SLC35F1: variants seen among roughly 807,000 people sequenced by gnomAD.
The protein encoded by SLC35F1 is solute carrier family 35 member F1.
Under a neutral mutation model 48.7 loss-of-function variants are expected in SLC35F1, and 14 were observed. The observed-to-expected ratio is 0.29, with a 90% confidence interval of 0.19 to 0.45. SLC35F1 has a LOEUF of 0.45. SLC35F1 is among the 20% of genes least tolerant of loss of function. SLC35F1 has a pLI of 1.00. For missense variants in SLC35F1, 404 were observed against 500.0 expected (o/e 0.81, Z 1.83); for synonymous variants, 190 against 202.2 (o/e 0.94, Z 0.51).
At chr6:118,213,678 G>C (rs1194449201) in intron 2 of SLC35F1, among the ~76,000 whole-genome samples, 1 of 152,144 alleles carries the variant, frequency 6.6e-6, no homozygotes, top group Non-Finnish European at 1.5e-5. Flanking sequence ...CACACACACA[G>C]TGTTGAGTGA....
chr6:118,297,163 C>A (rs542373232), intron 7 of SLC35F1, among the ~76,000 whole-genome samples: 1 of 152,262 alleles, frequency 6.6e-6, no homozygotes, highest in South Asian at 2.1e-4. Context: ...ATTTCCTTGA[C>A]TTTTACTGTA....
At chr6:118,147,470 G>A (rs1294750850) in intron 1 of SLC35F1, among the ~76,000 whole-genome samples, 1 of 152,170 alleles carries the variant, frequency 6.6e-6, no homozygotes, top group Non-Finnish European at 1.5e-5. Flanking sequence ...AGAGACACTG[G>A]AGATAGGTGA....
At chr6:117,924,219 G>A in intron 1 of SLC35F1, among the ~76,000 whole-genome samples, 2 of 57,796 alleles carry the variant, frequency 3.5e-5, no homozygotes, top group East Asian at 5.1e-4. Flanking sequence ...ACACACATAG[G>A]TACACATGCA....
chr6:118,116,056 A>C (rs942097393), intron 1 of SLC35F1, among the ~76,000 whole-genome samples: 2 of 152,190 alleles, frequency 1.3e-5, no homozygotes, highest in African/African-American at 4.8e-5. Flanking sequence ...TAGACTTCAA[A>C]TATGAGAGAC....
intron 1 of SLC35F1, among the ~76,000 whole-genome samples, chr6:117,964,293 G>C (rs1331147725): frequency 1.3e-5 from 2 of 152,134 alleles, no homozygotes; most frequent in East Asian, 3.8e-4. Context: ...AACATATTGG[G>C]AATATCCCTA....
intron 1 of SLC35F1, among the ~76,000 whole-genome samples, chr6:118,062,630 A>G (rs903566885): frequency 6.6e-6 from 1 of 152,210 alleles, no homozygotes; most frequent in Non-Finnish European, 1.5e-5. Context: ...TGTTTTTCTA[A>G]TAAGAAAATA....
intron 1 of SLC35F1, among the ~76,000 whole-genome samples, chr6:118,150,203 T>C (rs551674742): frequency 1.9e-4 from 29 of 152,262 alleles, no homozygotes; most frequent in African/African-American, 7.0e-4. Flanking sequence ...TGTGTAAGTC[T>C]AAGCTCATGG....
At chr6:118,167,570 G>A (rs1311435816) in intron 2 of SLC35F1, among the ~76,000 whole-genome samples, 2 of 151,946 alleles carry the variant, frequency 1.3e-5, no homozygotes, top group East Asian at 3.8e-4. Context: ...ATATACTAAA[G>A]GTACAGTAAA....
chr6:118,284,011 C>G (rs1375023613), intron 6 of SLC35F1, among the ~76,000 whole-genome samples: 1 of 152,186 alleles, frequency 6.6e-6, no homozygotes, highest in Non-Finnish European at 1.5e-5. Flanking sequence ...AGTTTACTTA[C>G]TTATGTTCAG....
intron 1 of SLC35F1, among the ~76,000 whole-genome samples, chr6:118,061,083 G>A (rs563198046): frequency 5.6e-4 from 85 of 152,244 alleles, no homozygotes; most frequent in African/African-American, 2.0e-3. Context: ...TTATTGACAA[G>A]TTCTGGCCAA....
At chr6:118,088,483 C>G (rs1007635165) in intron 1 of SLC35F1, among the ~76,000 whole-genome samples, 1 of 152,172 alleles carries the variant, frequency 6.6e-6, no homozygotes, top group Non-Finnish European at 1.5e-5. Context: ...AGGCAGCTTT[C>G]CTTTTAGGGT....
intron 1 of SLC35F1, among the ~76,000 whole-genome samples, chr6:118,111,875 T>C (rs1362296554): frequency 6.6e-6 from 1 of 152,164 alleles, no homozygotes; most frequent in Non-Finnish European, 1.5e-5. Flanking sequence ...ATCAGAGCGA[T>C]TCCATCTTTA....
chr6:117,979,906 T>G (rs1776754111), intron 1 of SLC35F1, among the ~76,000 whole-genome samples: 2 of 152,134 alleles, frequency 1.3e-5, no homozygotes, highest in Non-Finnish European at 2.9e-5. Context: ...TCATCAGGAG[T>G]ATCTGATTCA....
intron 1 of SLC35F1, among the ~76,000 whole-genome samples, chr6:117,965,125 A>T (rs1198464894): frequency 6.6e-6 from 1 of 152,192 alleles, no homozygotes; most frequent in Non-Finnish European, 1.5e-5. Context: ...AAAGGAACTC[A>T]GATAAGACAA....
intron 1 of SLC35F1, among the ~76,000 whole-genome samples, chr6:117,941,638 A>C (rs535744986): frequency 6.6e-6 from 1 of 152,280 alleles, no homozygotes; most frequent in East Asian, 1.9e-4. Context: ...TTGCCTTTGG[A>C]GATTATTGAT....
chr6:118,131,233 A>G (rs1225987381), intron 1 of SLC35F1, among the ~76,000 whole-genome samples: 1 of 138,362 alleles, frequency 7.2e-6, no homozygotes. Flanking sequence ...GTTGTAACAT[A>G]GAAAGCATAA....
At chr6:118,062,704 A>G (rs1391009580) in intron 1 of SLC35F1, among the ~76,000 whole-genome samples, 4 of 152,190 alleles carry the variant, frequency 2.6e-5, no homozygotes, top group Non-Finnish European at 5.9e-5. Context: ...CAGTAGTTCT[A>G]TATGAAAATA....
intron 1 of SLC35F1, among the ~76,000 whole-genome samples, chr6:117,915,845 A>G (rs1775819333): frequency 6.6e-6 from 1 of 152,178 alleles, no homozygotes; most frequent in South Asian, 2.1e-4. Flanking sequence ...AGGGGAAGAA[A>G]TGTGAGTCTA....
chr6:117,952,990 A>AGAGAGAAGC, intron 1 of SLC35F1, among the ~76,000 whole-genome samples: 1 of 152,234 alleles, frequency 6.6e-6, no homozygotes, highest in East Asian at 1.9e-4. Flanking sequence ...TGGTTGAAGC[A>AGAGAGAAGC]GAGAGAAGCG....
Sources: gnomAD v4.1 joint callset for allele counts (sites outside exome capture counted in the v4.1 genomes callset) on GRCh38, gnomAD v4.1.1 for gene constraint, MANE v1.5 for transcripts, NCBI Gene and HGNC (gene_info 2026-07-23, HGNC 2026-07-21) for gene names.